Variants in DEPTOR observed in about 807,000 individuals in gnomAD.
The protein encoded by DEPTOR is DEP domain containing MTOR interacting protein.
DEPTOR carries 41 observed loss-of-function variants against 41.6 expected under a neutral mutation model. That is an observed-to-expected ratio of 0.98 (90% CI 0.77 to 1.28). The LOEUF (loss-of-function observed/expected upper bound fraction) is 1.28, where lower values mean the gene tolerates loss of function less well. Among genes scored for constraint, DEPTOR ranks in the 50% most tolerant of loss-of-function variants. DEPTOR has a pLI of 0.00. For missense variants in DEPTOR, 514 were observed against 527.9 expected (o/e 0.97, Z 0.26); for synonymous variants, 195 against 192.3 (o/e 1.01, Z -0.12).
chr8:119,988,488 C>A (rs1828857330), intron 4 of DEPTOR, among the ~76,000 whole-genome samples: 2 of 137,724 alleles, frequency 1.5e-5, no homozygotes, highest in African/African-American at 5.3e-5. Context: ...TTTTATTTTA[C>A]AAATATTTTT....
chr8:119,928,187 C>T (rs915775191), intron 1 of DEPTOR, among the ~76,000 whole-genome samples: 1 of 151,980 alleles, frequency 6.6e-6, no homozygotes, highest in African/African-American at 2.4e-5. Flanking sequence ...ATTGTTTCAC[C>T]CTCATATTTA....
chr8:119,941,657 C>T (rs529438694), intron 3 of DEPTOR, among the ~76,000 whole-genome samples: 1 of 152,120 alleles, frequency 6.6e-6, no homozygotes, highest in South Asian at 2.1e-4. Context: ...GGCGAGTAGC[C>T]CTTACTGATG....
At chr8:119,898,553 G>A (rs998327695) in intron 1 of DEPTOR, among the ~76,000 whole-genome samples, 1 of 151,756 alleles carries the variant, frequency 6.6e-6, no homozygotes, top group Non-Finnish European at 1.5e-5. Flanking sequence ...ATGAGACCCC[G>A]CTTCTCCCAA....
Position 120,018,371 on chromosome 8 carries a change from A to G in DEPTOR, c.1101+9238A>G, listed in dbSNP as rs147257702. Among the ~76,000 whole-genome samples the G allele has an allele frequency of 4.6e-4, 70 of 152,304 alleles. 1 individual carries two copies. The East Asian group carries it at 0.011, about 25-fold the overall frequency. ...GGCAGGCGGATCACCTGAGATCAGG[A>G]GTTCGAGACCAGCCTGGCCAACATG... is the stretch of plus-strand genomic sequence containing the variant. On this transcript the variant is annotated intron_variant, in intron 8 of 8. Transcript: ENST00000286234.
chr8:119,957,318 G>C (rs751833523), intron 3 of DEPTOR, among the ~76,000 whole-genome samples: 3 of 152,156 alleles, frequency 2.0e-5, no homozygotes, highest in Non-Finnish European at 4.4e-5. Flanking sequence ...CACATAGACA[G>C]GGACTCTGGT....
intron 4 of DEPTOR, among the ~76,000 whole-genome samples, chr8:119,973,536 C>T (rs1271326715): frequency 6.6e-5 from 10 of 152,290 alleles, no homozygotes; most frequent in Admixed American, 3.3e-4. Context: ...GCAAAGGGCC[C>T]GAACACACTT....
chr8:119,887,561 G>A (rs1487008078), intron 1 of DEPTOR, among the ~76,000 whole-genome samples: 6 of 107,232 alleles, frequency 5.6e-5, no homozygotes, highest in African/African-American at 2.2e-4. Flanking sequence ...GTTCAGTGGT[G>A]TAATCTCAGC....
At chr8:120,025,259 A>G (rs192952770) in intron 8 of DEPTOR, among the ~76,000 whole-genome samples, 3 of 152,338 alleles carry the variant, frequency 2.0e-5, no homozygotes, top group South Asian at 2.1e-4. Flanking sequence ...ATATTTGGAC[A>G]TTTCACTCAT....
chr8:119,879,642 C>T (rs1391628483), intron 1 of DEPTOR, among the ~76,000 whole-genome samples: 1 of 152,056 alleles, frequency 6.6e-6, no homozygotes, highest in East Asian at 1.9e-4. Flanking sequence ...ACCCAGGAGG[C>T]AGAGGTTGCA....
At chr8:119,933,516 AAGTT>A (rs1828073129) in intron 3 of DEPTOR, among the ~76,000 whole-genome samples, 3 of 150,352 alleles carry the variant, frequency 2.0e-5, no homozygotes, top group Non-Finnish European at 4.4e-5. Context: ...TATTATTTGT[AAGTT>A]AAGCTTCTTA....
chr8:120,018,661 A>G (rs1016178030), intron 8 of DEPTOR, among the ~76,000 whole-genome samples: 2 of 152,180 alleles, frequency 1.3e-5, no homozygotes, highest in African/African-American at 4.8e-5. Context: ...ATGCAGTGCT[A>G]TGTCTCACTT....
chr8:120,029,259 C>G (rs1032460144), intron 8 of DEPTOR, among the ~76,000 whole-genome samples: 3 of 152,068 alleles, frequency 2.0e-5, no homozygotes, highest in Non-Finnish European at 4.4e-5. Context: ...CTAGAAAGCC[C>G]CTACTGTTCT....
At position 119,892,279 on chromosome 8, in the gene DEPTOR, A is replaced by T. The variant is rs1827462019; in HGVS notation, c.122+18311A>T. On this transcript the variant is annotated intron_variant, in intron 1 of 8. Transcript: ENST00000286234. ...CTCCCAAAGTGCTGGGATTACAGGC[A>T]TGAGCTACTATACCTGGCCTGGAGC... 2.0e-5 allele frequency among the ~76,000 whole-genome samples: 3 copies of T among 152,180 alleles called. No homozygotes were observed. In the South Asian group the frequency reaches 6.2e-4, roughly 31 times the overall value.
At chr8:119,985,448 T>C (rs1397459685) in intron 4 of DEPTOR, among the ~76,000 whole-genome samples, 1 of 152,226 alleles carries the variant, frequency 6.6e-6, no homozygotes, top group African/African-American at 2.4e-5. Context: ...ACTCTAGATA[T>C]TAGCCCTTTG....
intron 3 of DEPTOR, among the ~76,000 whole-genome samples, chr8:119,953,679 G>A (rs966598776): frequency 5.9e-5 from 9 of 151,878 alleles, no homozygotes; most frequent in Non-Finnish European, 8.8e-5. Context: ...ACCCAGTAAA[G>A]CCCGTCTATC....
chr8:119,928,743 C>CT (rs376801517), intron 2 of DEPTOR, among the ~76,000 whole-genome samples, 165 bp downstream of exon 2: 1,460 of 127,866 alleles, frequency 0.011, 15 homozygotes, highest in East Asian at 0.028. Flanking sequence ...TGGGTTCTTT[C>CT]TTTTTTTTTT....
At chr8:120,023,205 T>A (rs1812747418) in intron 8 of DEPTOR, among the ~76,000 whole-genome samples, 1 of 152,138 alleles carries the variant, frequency 6.6e-6, no homozygotes, top group South Asian at 2.1e-4. Flanking sequence ...CCCACCTTTA[T>A]AACCTCATTA....
At chr8:120,047,864 G>A (rs1167312279) in intron 8 of DEPTOR, among the ~76,000 whole-genome samples, 1 of 143,808 alleles carries the variant, frequency 7.0e-6, no homozygotes, top group Non-Finnish European at 1.5e-5. Flanking sequence ...TGGCCAACAT[G>A]GCGAACCCCC....
chr8:120,030,497 G>GTTTGTTTTTTTTTTTTTTTTT (rs1207108457), intron 8 of DEPTOR, among the ~76,000 whole-genome samples: 2 of 46,192 alleles, frequency 4.3e-5, no homozygotes, highest in East Asian at 6.7e-4. Context: ...AGGTTCATCA[G>GTTTGTTTTTTTTTTTTTTTTT]TTTTTTTTTT....
Sources: gnomAD v4.1 joint callset for allele counts (sites outside exome capture counted in the v4.1 genomes callset) on GRCh38, gnomAD v4.1.1 for gene constraint, MANE v1.5 for transcripts, NCBI Gene and HGNC (gene_info 2026-07-23, HGNC 2026-07-21) for gene names.